PLCG2: variants seen among roughly 807,000 people sequenced by gnomAD.
The protein encoded by PLCG2 is 1-phosphatidylinositol 4,5-bisphosphate phosphodiesterase gamma-2.
In PLCG2, 69 loss-of-function variants were observed where a neutral mutation model predicts 175.6. That is an observed-to-expected ratio of 0.39 (90% confidence interval 0.32 to 0.48). The LOEUF (loss-of-function observed/expected upper bound fraction) is 0.48, where lower values mean the gene tolerates loss of function less well. Among genes scored for constraint, PLCG2 ranks in the 20% least tolerant of loss-of-function variants. The probability of loss-of-function intolerance (pLI) is 0.91; values close to 1 mark genes in which losing one functional copy is unlikely to be tolerated. For missense variants in PLCG2, 1,798 were observed against 1,650.9 expected (o/e 1.09, Z -1.54); for synonymous variants, 827 against 624.0 (o/e 1.33, Z -4.85).
At chr16:81,867,349 C>G (rs1440230238) in intron 5 of PLCG2, among the ~76,000 whole-genome samples, 1 of 152,212 alleles carries the variant, frequency 6.6e-6, no homozygotes, top group African/African-American at 2.4e-5. Context: ...ATCTCATATT[C>G]TTGACCCACC....
At chr16:81,875,795 A>G (rs1180153036) in intron 7 of PLCG2, among the ~76,000 whole-genome samples, 3 of 152,190 alleles carry the variant, frequency 2.0e-5, no homozygotes, top group Non-Finnish European at 4.4e-5. Context: ...CTGCTAACGT[A>G]TCTCTGGTTG....
chr16:81,925,542 C>A lies in PLCG2; in HGVS notation c.2418-1540C>A, dbSNP rs548908826. On this transcript the variant is annotated intron_variant, in intron 22 of 32. Transcript: ENST00000564138. The stretch of plus-strand genomic sequence containing the variant: ...CAGTCCTCACTCTGCTTATTCAGAC[C>A]AAAAAATTGTTAAGTTCTTCCCACC... Among the ~76,000 whole-genome samples the A allele has an allele frequency of 2.0e-5, 3 of 152,156 alleles. No individual in the cohort carries two copies. The East Asian group carries it at 5.8e-4, about 29-fold the overall frequency.
chr16:81,872,588 C>T (rs7198813), intron 7 of PLCG2, among the ~76,000 whole-genome samples: 83,219 of 152,142 alleles, frequency 0.55, 23,512 homozygotes, highest in Middle Eastern at 0.62. Flanking sequence ...CTATTCTGTG[C>T]GATGCACCTA....
Position 81,919,613 on chromosome 16 carries a change from G to T in PLCG2, c.2184G>T (p.Lys728Asn). The T allele has an allele frequency of 1.2e-6, 2 of 1,614,184 alleles. No individual in the cohort carries two copies. The highest frequency in any genetic ancestry group is 1.7e-6 in the Non-Finnish European group (2 of 1,180,034). Residue 728 changes from lysine to asparagine, a missense_variant, in exon 20 of 33, where the codon AAG becomes AAT. By Grantham distance (94) the Lys-to-Asn change is moderately conservative (BLOSUM62 0). Transcript: ENST00000564138. Reference sequence around the variant, plus strand: ...ACGAGAAGCATTCACTCTACCGAAAGATGAGACTGCGCTACCCCGTGACCC... The same window carrying T: ...ACGAGAAGCATTCACTCTACCGAAATATGAGACTGCGCTACCCCGTGACCC... ...SYYEKHSLYR[K>N]MRLRYPVTPE...
At chr16:81,814,880 A>T (rs1002589334) in intron 2 of PLCG2, among the ~76,000 whole-genome samples, 1 of 152,144 alleles carries the variant, frequency 6.6e-6, no homozygotes, top group Non-Finnish European at 1.5e-5. Context: ...TAGAGTTGGG[A>T]TAAAGATTAA....
intron 2 of PLCG2, among the ~76,000 whole-genome samples, chr16:81,764,501 C>A (rs1348063073): frequency 6.6e-6 from 1 of 152,166 alleles, no homozygotes; most frequent in African/African-American, 2.4e-5. Context: ...ATTCACTCTC[C>A]TCAAAGACAC....
At chr16:81,832,801 A>T (rs1273871896) in intron 2 of PLCG2, among the ~76,000 whole-genome samples, 7 of 152,246 alleles carry the variant, frequency 4.6e-5, no homozygotes, top group Admixed American at 4.6e-4. Flanking sequence ...AGAATGAGGC[A>T]GAGGCCTGCC....
intron 29 of PLCG2, 83 bp downstream of exon 29, chr16:81,938,998 G>C (rs1363546848): frequency 5.1e-6 from 4 of 781,382 alleles, no homozygotes; most frequent in Non-Finnish European, 6.6e-6. Flanking sequence ...GGGGGATTTT[G>C]CAATGCTCTT....
chr16:81,948,886 T>TGGCTGGCAGTTGAAAC (rs1911258378), intron 31 of PLCG2, among the ~76,000 whole-genome samples: 1 of 152,180 alleles, frequency 6.6e-6, no homozygotes, highest in Non-Finnish European at 1.5e-5. Flanking sequence ...ACACCTGGAA[T>TGGCTGGCAGTTGAAAC]AGATGGCTGG....
Position 81,912,551 on chromosome 16 carries a change from C to T in PLCG2, c.1935-46C>T, listed in dbSNP as rs750831366. ...TCCTCTGCGGGTGGCCCACTGACAG[C>T]CTGGAGACCGCTCACCTGGTCGTTT... On this transcript the variant is annotated intron_variant, in intron 18 of 32. Coordinates refer to ENST00000564138, the MANE Select transcript of PLCG2 (RefSeq NM_002661.5). 3.1e-6 allele frequency: 5 copies of T among 1,605,252 alleles called. No individual in the cohort carries two copies. In the East Asian group the frequency reaches 9.0e-5, roughly 29 times the overall value.
chr16:81,821,921 G>T (rs1472362516), intron 2 of PLCG2, among the ~76,000 whole-genome samples: 1 of 151,924 alleles, frequency 6.6e-6, no homozygotes, highest in Non-Finnish European at 1.5e-5. Context: ...ACAGGCCTGG[G>T]GTTCCATCCC....
At position 81,923,517 on chromosome 16, in the gene PLCG2, C is replaced by G; in HGVS notation, c.2340C>G (p.Tyr780Ter). 1 of 1,613,636 alleles carries G rather than the reference C, an allele frequency of 6.2e-7. No individual in the cohort carries two copies. Among genetic ancestry groups the G allele is most frequent in the Non-Finnish European group, 8.5e-7 (1 of 1,179,656 alleles). ...GAACCGTGAAAGCTCTGTATGACTA[C>G]AAAGCCAAGCGAAGCGATGAGCTGA... ...PQRTVKALYD[Y>*]KAKRSDELSF... The change falls in exon 22 of 33, where the codon TAC becomes TAG. Residue 780 changes from tyrosine (Y) to a stop codon, truncating the protein, a stop_gained. Transcript: ENST00000564138. LOFTEE classifies it high-confidence loss of function.
At chr16:81,799,283 ATCTTTTTGTCCAACAAAACTTTAT>A (rs1483764040) in intron 2 of PLCG2, among the ~76,000 whole-genome samples, 4 of 152,152 alleles carry the variant, frequency 2.6e-5, no homozygotes, top group Non-Finnish European at 4.4e-5. Context: ...CACCTTCCAA[ATCTTTTTGTCCAACAAAACTTTAT>A]TCACAAGACA....
At chr16:81,903,273 T>C (rs1253806101) in intron 14 of PLCG2, among the ~76,000 whole-genome samples, 4 of 152,140 alleles carry the variant, frequency 2.6e-5, no homozygotes, top group East Asian at 1.9e-4. Context: ...CCAAGATACA[T>C]TGGACACAAT....
chr16:81,753,342 G>GTTTTCTTTTT (rs1909851546), intron 1 of PLCG2, among the ~76,000 whole-genome samples: 1 of 91,124 alleles, frequency 1.1e-5, no homozygotes, highest in Non-Finnish European at 2.1e-5. Flanking sequence ...GTCCTGGCAG[G>GTTTTCTTTTT]TTTTTTTTTT....
chr16:81,821,813 C>A (rs1479712035), intron 2 of PLCG2, among the ~76,000 whole-genome samples: 1 of 152,118 alleles, frequency 6.6e-6, no homozygotes, highest in Non-Finnish European at 1.5e-5. Context: ...AAAGGTTTTA[C>A]TGCAAACAAC....
intron 2 of PLCG2, among the ~76,000 whole-genome samples, chr16:81,795,023 C>G (rs1256530093): frequency 3.3e-5 from 5 of 152,212 alleles, no homozygotes; most frequent in African/African-American, 1.2e-4. Context: ...TCCTGGATGA[C>G]AACCTTAGAA....
At chr16:81,836,015 A>G (rs1357945237) in intron 2 of PLCG2, among the ~76,000 whole-genome samples, 1 of 152,210 alleles carries the variant, frequency 6.6e-6, no homozygotes, top group Admixed American at 6.5e-5. Flanking sequence ...AAAGAAGGCC[A>G]CATTCACACA....
In PLCG2 at chr16:81,896,798, T is replaced by C. The variant is rs139890570; in HGVS notation, c.1193+871T>C. 3.9e-4 allele frequency among the ~76,000 whole-genome samples: 59 copies of C among 152,278 alleles called. No homozygotes were observed. The East Asian group carries it at 0.011, about 29-fold the overall frequency. Reference sequence around the variant, plus strand: ...TAGGTTCTTTGTACAGGTGATCATATTGATTCTTTGCCACAAAGTGAGTAT... The same window carrying C: ...TAGGTTCTTTGTACAGGTGATCATACTGATTCTTTGCCACAAAGTGAGTAT... On this transcript the variant is annotated intron_variant, in intron 13 of 32. Coordinates refer to ENST00000564138, the MANE Select transcript of PLCG2 (RefSeq NM_002661.5).
Sources: allele counts gnomAD v4.1 joint callset (sites outside exome capture counted in the v4.1 genomes callset), GRCh38; gene constraint gnomAD v4.1.1; transcripts MANE v1.5; gene names NCBI Gene and HGNC (gene_info 2026-07-23, HGNC 2026-07-21).